CDX1: variants seen among roughly 807,000 people sequenced by gnomAD.
The protein encoded by CDX1 is caudal type homeobox 1, also known as homeobox protein CDX-1.
In CDX1, 9 loss-of-function variants were observed where a neutral mutation model predicts 16.9. The ratio of observed to expected loss-of-function variants is 0.53; its 90% confidence interval spans 0.32 to 0.93. CDX1 has a LOEUF of 0.93. CDX1 is among the 40% of genes least tolerant of loss of function. The probability of loss-of-function intolerance (pLI) is 0.04; values close to 1 mark genes in which losing one functional copy is unlikely to be tolerated. For missense variants in CDX1, 393 were observed against 386.1 expected (o/e 1.02, Z -0.15); for synonymous variants, 179 against 179.0 (o/e 1.00, Z 0.00).
At position 150,184,307 on chromosome 5, in the gene CDX1, C is replaced by T. The variant is rs1201388580; in HGVS notation, c.*627C>T. 1.3e-5 allele frequency: 2 copies of T among 152,192 alleles called. No homozygotes were observed. Among genetic ancestry groups the T allele is most frequent in the Non-Finnish European group, 2.9e-5 (2 of 68,066 alleles). 9.4% of individuals were successfully genotyped at this position (152,192 alleles called of 1,614,324 possible). ...TGAGGGCTCTGGATTGAGAGGGAGG[C>T]CCTGGGAGGAGAGAAGGGGGCAGAG... is the stretch of plus-strand genomic sequence containing the variant. On this transcript the variant is annotated 3_prime_UTR_variant, in exon 3 of 3. Coordinates refer to ENST00000231656, the MANE Select transcript of CDX1 (RefSeq NM_001804.3).
intron 1 of CDX1, among the ~76,000 whole-genome samples, chr5:150,181,663 A>G (rs1752431781): frequency 6.6e-6 from 1 of 152,148 alleles, no homozygotes; most frequent in African/African-American, 2.4e-5. Context: ...TTCTATTTAA[A>G]ATCACAGACC....
intron 1 of CDX1, among the ~76,000 whole-genome samples, chr5:150,175,530 T>G (rs1761557860): frequency 6.6e-6 from 1 of 151,998 alleles, no homozygotes; most frequent in Admixed American, 6.5e-5. Context: ...CTGGCCATTG[T>G]CCCCCTTTCC....
rs1242430546 is a variant in CDX1, at chr5:150,166,978, C to T, written c.102C>T (p.Ala34=). Residue 34 remains alanine (A), a synonymous_variant, in exon 1 of 3, where the codon GCC becomes GCT. Transcript: ENST00000231656. ...GLGPQAYGPP[A]PPPAPPQYPD... ...GCCCGCAAGCCTACGGCCCCCCGGC[C>T]CCGCCCCCGGCGCCCCCGCAGTACC... 7 of 1,454,212 alleles carry T rather than the reference C, an allele frequency of 4.8e-6. No individual in the cohort carries two copies. The highest frequency in any genetic ancestry group is 1.5e-5 in the African/African-American group (1 of 67,308). 90.1% of individuals were successfully genotyped at this position (1,454,212 alleles called of 1,614,324 possible). A position where few individuals can be genotyped will look rare whatever the true frequency, so the allele number is the denominator to read the frequency against.
chr5:150,166,863 AC>A lies in CDX1; in HGVS notation c.-10del. 1 of 1,459,408 alleles carries A rather than the reference AC, an allele frequency of 6.9e-7. No homozygotes were observed. The highest frequency in any genetic ancestry group is 9.0e-7 in the Non-Finnish European group (1 of 1,108,902). The allele number at this position is 1,459,408 out of a possible 1,614,324, so 90.4% of individuals were successfully genotyped here. A position where few individuals can be genotyped will look rare whatever the true frequency, so the allele number is the denominator to read the frequency against. ...CTCCAGGGCCCAGCATGCGCGGGGG[AC>A]CCCGCGGCCACCATGTATGTGGGCT... On this transcript the variant is annotated 5_prime_UTR_variant, in exon 1 of 3. Coordinates refer to ENST00000231656, the MANE Select transcript of CDX1 (RefSeq NM_001804.3).
intron 1 of CDX1, among the ~76,000 whole-genome samples, chr5:150,175,786 GCCGGCCAGA>G (rs1185734727): frequency 6.6e-6 from 1 of 152,212 alleles, no homozygotes; most frequent in Non-Finnish European, 1.5e-5. Flanking sequence ...CAGCTGGTGG[GCCGGCCAGA>G]TCTCCCCACT....
At chr5:150,168,885 G>T (rs374426959) in intron 1 of CDX1, among the ~76,000 whole-genome samples, 2 of 152,214 alleles carry the variant, frequency 1.3e-5, no homozygotes, top group Non-Finnish European at 2.9e-5. Context: ...CTGCTGAAAG[G>T]TACAAATGTT....
intron 1 of CDX1, among the ~76,000 whole-genome samples, chr5:150,177,094 G>A (rs1761578093): frequency 6.6e-6 from 1 of 152,270 alleles, no homozygotes; most frequent in Admixed American, 6.5e-5. Flanking sequence ...CTGGAGCAGA[G>A]GCCACACTCT....
intron 1 of CDX1, among the ~76,000 whole-genome samples, chr5:150,181,207 C>G (rs1202580694): frequency 1.3e-5 from 2 of 152,188 alleles, no homozygotes; most frequent in Non-Finnish European, 2.9e-5. Context: ...CACCTCGGGG[C>G]CTTTGCACTT....
At position 150,183,586 on chromosome 5, in the gene CDX1, C is replaced by A; in HGVS notation, c.704C>A (p.Pro235Gln). ...ATGGCCCACGACATCACGGCCACCC[C>A]AGCCGGGCCATCCCTGGGGGGCCTG... Reference protein sequence around the residue: ...PPMAHDITATPAGPSLGGLCP... With the variant: ...PPMAHDITATQAGPSLGGLCP... Residue 235 changes from proline to glutamine, a missense_variant, in exon 3 of 3, where the codon CCA (proline) becomes CAA (glutamine). Transcript: ENST00000231656. 1 of 1,611,078 alleles carries A rather than the reference C, an allele frequency of 6.2e-7. No homozygotes were observed. Among genetic ancestry groups the A allele is most frequent in the Non-Finnish European group, 8.5e-7 (1 of 1,177,934 alleles).
intron 1 of CDX1, among the ~76,000 whole-genome samples, chr5:150,172,382 T>A (rs1281668537): frequency 6.6e-6 from 1 of 152,068 alleles, no homozygotes; most frequent in Non-Finnish European, 1.5e-5. Flanking sequence ...GCATGGGTGA[T>A]CTCACTTAAG....
chr5:150,175,255 A>G (rs930695899), intron 1 of CDX1, among the ~76,000 whole-genome samples: 7 of 152,236 alleles, frequency 4.6e-5, no homozygotes, highest in Admixed American at 1.3e-4. Context: ...AGGTCCAGCA[A>G]CTTGCCTGGG....
At position 150,183,889 on chromosome 5, in the gene CDX1, T is replaced by G; in HGVS notation, c.*209T>G. 1 of 412,510 alleles carries G rather than the reference T, an allele frequency of 2.4e-6. No homozygotes were observed. Among genetic ancestry groups the G allele is most frequent in the South Asian group, 9.9e-5 (1 of 10,112 alleles). 25.6% of individuals were successfully genotyped at this position (412,510 alleles called of 1,614,324 possible). The stretch of plus-strand genomic sequence containing the variant: ...TTCCAGCTCCTGTGTTCTAGACCTC[T>G]GGGGGATAAGGGAGTCCAGGGTGGA... On this transcript the variant is annotated 3_prime_UTR_variant, in exon 3 of 3. Transcript: ENST00000231656.
chr5:150,167,106 G>C lies in CDX1; in HGVS notation c.230G>C (p.Gly77Ala), dbSNP rs1314102307. 1 of 1,348,468 alleles carries C rather than the reference G, an allele frequency of 7.4e-7. No individual in the cohort carries two copies. The highest frequency in any genetic ancestry group is 9.4e-7 in the Non-Finnish European group (1 of 1,058,488). 83.5% of individuals were successfully genotyped at this position (1,348,468 alleles called of 1,614,324 possible). The change falls in exon 1 of 3, where the codon GGC becomes GCC. Residue 77 changes from glycine (G) to alanine (A), a missense_variant. Gly to Ala is a moderately conservative substitution (Grantham distance 60). Transcript: ENST00000231656. Reference sequence around the variant, plus strand: ...AAGGACGACTGGGCCGCCGCCTACGGCCCGGGCCCCGCGGCCCCTGCCGCC... The same window carrying C: ...AAGGACGACTGGGCCGCCGCCTACGCCCCGGGCCCCGCGGCCCCTGCCGCC... The part of the protein sequence containing the change: ...APKDDWAAAY[G>A]PGPAAPAASP...
chr5:150,179,303 A>G (rs947401644), intron 1 of CDX1, among the ~76,000 whole-genome samples: 1 of 152,112 alleles, frequency 6.6e-6, no homozygotes, highest in Admixed American at 6.5e-5. Flanking sequence ...TCCTGAGCCC[A>G]CCAGCTCCTC....
chr5:150,179,911 C>A (rs191023053), intron 1 of CDX1, among the ~76,000 whole-genome samples: 1 of 152,364 alleles, frequency 6.6e-6, no homozygotes, highest in East Asian at 1.9e-4. Flanking sequence ...CGGAATTGTA[C>A]CCTGGAGAGG....
At chr5:150,179,353 G>A (rs540830809) in intron 1 of CDX1, among the ~76,000 whole-genome samples, 2 of 152,330 alleles carry the variant, frequency 1.3e-5, no homozygotes, top group South Asian at 2.1e-4. Context: ...TGTGGGCCAG[G>A]TCTTCACTGG....
At chr5:150,178,943 G>A (rs1401786771) in intron 1 of CDX1, among the ~76,000 whole-genome samples, 3 of 151,704 alleles carry the variant, frequency 2.0e-5, no homozygotes, top group African/African-American at 7.3e-5. Context: ...TCCTCTCCAC[G>A]AATGCACCAT....
At chr5:150,181,544 G>A (rs1461375015) in intron 1 of CDX1, among the ~76,000 whole-genome samples, 1 of 152,088 alleles carries the variant, frequency 6.6e-6, no homozygotes, top group Non-Finnish European at 1.5e-5. Flanking sequence ...CCCATAAAGT[G>A]CTGGGATTAC....
intron 1 of CDX1, among the ~76,000 whole-genome samples, chr5:150,171,367 G>T (rs1275968392): frequency 2.0e-5 from 3 of 151,916 alleles, no homozygotes; most frequent in African/African-American, 7.3e-5. Context: ...ACAGAATCTT[G>T]CTATGTCACC....
Sources: allele counts gnomAD v4.1 joint callset (sites outside exome capture counted in the v4.1 genomes callset), GRCh38; gene constraint gnomAD v4.1.1; transcripts MANE v1.5; gene names NCBI Gene and HGNC (gene_info 2026-07-23, HGNC 2026-07-21).